The following RAD18 variants were observed in gnomAD, a reference collection of about 807,000 sequenced individuals.
RAD18 encodes E3 ubiquitin-protein ligase RAD18.
A neutral mutation model predicts 60.4 loss-of-function variants in RAD18; 47 were observed. That is an observed-to-expected ratio of 0.78 (90% CI 0.62 to 0.99). The LOEUF is 0.99. Ranked by LOEUF, RAD18 falls within the 50% of genes least tolerant of loss-of-function variation. RAD18 has a pLI of 0.00. For missense variants in RAD18, 640 were observed against 593.3 expected (o/e 1.08, Z -0.82); for synonymous variants, 225 against 195.5 (o/e 1.15, Z -1.26).
At chr3:8,909,243 C>G (rs1940065264) in intron 9 of RAD18, among the ~76,000 whole-genome samples, 1 of 152,116 alleles carries the variant, frequency 6.6e-6, no homozygotes, top group Admixed American at 6.6e-5. Context: ...GGTCCAGATA[C>G]AGGAAATAAC....
At chr3:8,911,722 G>A (rs2125054665) in intron 9 of RAD18, among the ~76,000 whole-genome samples, 1 of 152,252 alleles carries the variant, frequency 6.6e-6, no homozygotes, top group African/African-American at 2.4e-5. Flanking sequence ...TGGGAATACT[G>A]ATTCAATGAA....
Position 8,941,527 on chromosome 3 carries a change from G to C in RAD18, c.544C>G (p.Pro182Ala), listed in dbSNP as rs759466269. Residue 182 changes from proline (P) to alanine (A), a missense_variant, in exon 5 of 13, where the codon CCC becomes GCC. Coordinates refer to ENST00000264926, the MANE Select transcript of RAD18 (RefSeq NM_020165.4). ...GGCTCAGGACGCTTAGCCTCTGAGG[G>C]ATCTGGAGCGATCTCTTCTACAGAA... is the stretch of plus-strand genomic sequence containing the variant. ...TRSVEEIAPD[P>A]SEAKRPEPPS... 1.9e-6 allele frequency: 3 copies of C among 1,614,010 alleles called. No individual in the cohort carries two copies. Among genetic ancestry groups the C allele is most frequent in the Non-Finnish European group, 2.5e-6 (3 of 1,179,960 alleles).
intron 6 of RAD18, among the ~76,000 whole-genome samples, chr3:8,939,173 G>A (rs143368661): frequency 3.3e-5 from 5 of 152,022 alleles, no homozygotes; most frequent in Non-Finnish European, 7.4e-5. Flanking sequence ...GCATCCTAAA[G>A]ATCAGAGAAA....
chr3:8,939,687 T>C lies in RAD18; in HGVS notation c.605-34A>G, dbSNP rs1940714146. 3 of 1,569,448 alleles carry C rather than the reference T, an allele frequency of 1.9e-6. No homozygotes were observed. In the African/African-American group the frequency reaches 4.1e-5, roughly 21 times the overall value. ...TTTAAAAAGAAAAAGAGAGACTTTA[T>C]TAATTGTAGAAGGGGCAAAAGTATG... On this transcript the variant is annotated intron_variant, in intron 5 of 12. Coordinates refer to ENST00000264926, the MANE Select transcript of RAD18 (RefSeq NM_020165.4).
chr3:8,934,122 C>A (rs1015960699), intron 7 of RAD18, among the ~76,000 whole-genome samples: 1 of 152,198 alleles, frequency 6.6e-6, no homozygotes, highest in African/African-American at 2.4e-5. Flanking sequence ...TCCTCTACCT[C>A]ACAACATATG....
intron 12 of RAD18, among the ~76,000 whole-genome samples, chr3:8,886,353 G>A (rs1939565829): frequency 6.6e-6 from 1 of 152,200 alleles, no homozygotes; most frequent in South Asian, 2.1e-4. Flanking sequence ...CATGGCCAGG[G>A]ACTGTTTTTA....
At chr3:8,956,504 G>A (rs1408680648) in intron 2 of RAD18, among the ~76,000 whole-genome samples, 1 of 152,114 alleles carries the variant, frequency 6.6e-6, no homozygotes, top group African/African-American at 2.4e-5. Flanking sequence ...TTTATTTCCA[G>A]AATTTCCCAT....
intron 9 of RAD18, 120 bp downstream of exon 9, chr3:8,912,192 A>C: frequency 5.1e-6 from 4 of 780,194 alleles, no homozygotes; most frequent in South Asian, 1.8e-5. Flanking sequence ...TCAATCTCTT[A>C]AGTAATGTTA....
intron 7 of RAD18, among the ~76,000 whole-genome samples, chr3:8,918,306 G>A (rs1448085393): frequency 3.9e-3 from 374 of 95,152 alleles, no homozygotes; most frequent in African/African-American, 0.015. Context: ...CAACTAGAGT[G>A]AAACTCCATC....
chr3:8,963,405 G>A lies in RAD18; in HGVS notation c.-20C>T, dbSNP rs1229493261. 4 of 1,574,622 alleles carry A rather than the reference G, an allele frequency of 2.5e-6. No individual in the cohort carries two copies. The highest frequency in any genetic ancestry group is 2.7e-5 in the African/African-American group (2 of 73,064). On this transcript the variant is annotated 5_prime_UTR_variant, in exon 1 of 13. Coordinates refer to ENST00000264926, the MANE Select transcript of RAD18 (RefSeq NM_020165.4). ...GTCCATGGTCGCTCCCGAGGATGCT[G>A]GGGGTCAGCCACCCACTAGCCTCCG...
intron 2 of RAD18, among the ~76,000 whole-genome samples, chr3:8,951,285 A>G (rs1241052432): frequency 1.3e-5 from 2 of 152,228 alleles, no homozygotes; most frequent in Non-Finnish European, 2.9e-5. Context: ...TTACCTACAG[A>G]GAAGCAAAGA....
chr3:8,937,250 A>C (rs1026649876), intron 6 of RAD18, among the ~76,000 whole-genome samples: 17 of 152,180 alleles, frequency 1.1e-4, no homozygotes, highest in Non-Finnish European at 2.9e-5. Flanking sequence ...TGTATCTAAA[A>C]TATTTGTTTT....
rs773923682 is a variant in RAD18 at position 8,898,958 on chromosome 3, C to CT, written c.1257_1258insA (p.Asp420ArgfsTer4). The CT allele has an allele frequency of 6.2e-7, 1 of 1,607,682 alleles. No individual in the cohort carries two copies. Among genetic ancestry groups the CT allele is most frequent in the Non-Finnish European group, 8.5e-7 (1 of 1,175,364 alleles). On this transcript the variant is annotated frameshift_variant, in exon 11 of 13. Coordinates refer to ENST00000264926, the MANE Select transcript of RAD18 (RefSeq NM_020165.4). LOFTEE classifies it high-confidence loss of function. ...TGAATATCAATACAGCTAGAAGAATCCTCTTCTCTGTCAGGTTCCAATTCC... is the reference window on the plus strand; with the variant it reads ...TGAATATCAATACAGCTAGAAGAATCTCTCTTCTCTGTCAGGTTCCAATTCC...
chr3:8,941,324 A>G, intron 5 of RAD18, 143 bp downstream of exon 5: 1 of 747,742 alleles, frequency 1.3e-6, no homozygotes, highest in Non-Finnish European at 2.2e-6. Flanking sequence ...AAACATATCT[A>G]CAACAATGTC....
chr3:8,963,458 GCGCTAC>G lies in RAD18; in HGVS notation c.-79_-74del, dbSNP rs1941123758. ...GCTCCAACACCACTCGAAATTCCCCGCGCTACCGCATTACGTCAGCAGCCCGCGACG... is the reference window on the plus strand; with the variant it reads ...GCTCCAACACCACTCGAAATTCCCCGCGCATTACGTCAGCAGCCCGCGACG... On this transcript the variant is annotated 5_prime_UTR_variant, in exon 1 of 13. An upstream open reading frame in the 5' UTR loses its in-frame stop. Transcript: ENST00000264926. 3 of 1,400,324 alleles carry G rather than the reference GCGCTAC, an allele frequency of 2.1e-6. No individual in the cohort carries two copies. The highest frequency in any genetic ancestry group is 2.9e-6 in the Non-Finnish European group (3 of 1,022,140). 86.7% of individuals were successfully genotyped at this position (1,400,324 alleles called of 1,614,324 possible).
chr3:8,933,229 G>C (rs1293368453), intron 7 of RAD18, among the ~76,000 whole-genome samples: 1 of 152,132 alleles, frequency 6.6e-6, no homozygotes, highest in Non-Finnish European at 1.5e-5. Flanking sequence ...TATACAATTT[G>C]TGTAATTCCA....
chr3:8,888,368 C>T (rs1939618646), intron 12 of RAD18, among the ~76,000 whole-genome samples: 1 of 152,158 alleles, frequency 6.6e-6, no homozygotes, highest in Non-Finnish European at 1.5e-5. Context: ...TTACAAAAAC[C>T]CTGCTTTATA....
At chr3:8,962,029 C>G (rs1273827956) in intron 1 of RAD18, among the ~76,000 whole-genome samples, 1 of 152,180 alleles carries the variant, frequency 6.6e-6, no homozygotes, top group Non-Finnish European at 1.5e-5. Context: ...TTACTACATT[C>G]CAGATACTTT....
chr3:8,909,302 T>C (rs1940065930), intron 9 of RAD18, among the ~76,000 whole-genome samples: 1 of 151,888 alleles, frequency 6.6e-6, no homozygotes, highest in Non-Finnish European at 1.5e-5. Flanking sequence ...CACTGAAGAG[T>C]TCTTTACAAT....
Sources: gnomAD v4.1 joint callset for allele counts (sites outside exome capture counted in the v4.1 genomes callset) on GRCh38, gnomAD v4.1.1 for gene constraint, MANE v1.5 for transcripts, NCBI Gene and HGNC (gene_info 2026-07-23, HGNC 2026-07-21) for gene names.